The following TMEM130 variants were observed in gnomAD, a reference collection of about 807,000 sequenced individuals.
The protein encoded by TMEM130 is transmembrane protein 130.
TMEM130 carries 37 observed loss-of-function variants against 42.9 expected under a neutral mutation model. The ratio of observed to expected loss-of-function variants is 0.86; its 90% CI spans 0.66 to 1.13. The LOEUF (loss-of-function observed/expected upper bound fraction) is 1.13. Among genes scored for constraint, TMEM130 ranks in the 50% most tolerant of loss-of-function variants. The probability of loss-of-function intolerance (pLI) is 0.00; values close to 1 mark genes in which losing one functional copy is unlikely to be tolerated. For missense variants in TMEM130, 545 were observed against 562.6 expected, an observed-to-expected ratio of 0.97 and a Z score of 0.32; for synonymous variants, 259 against 237.7, an observed-to-expected ratio of 1.09 and a Z score of -0.82.
intron 3 of TMEM130, among the ~76,000 whole-genome samples, chr7:98,858,176 TTC>T (rs1794677089): frequency 6.6e-6 from 1 of 151,698 alleles, no homozygotes; most frequent in African/African-American, 2.4e-5. Flanking sequence ...TTCCAGCAAC[TTC>T]TTTTTCTAGT....
At chr7:98,851,004 G>C (rs984204022) in intron 6 of TMEM130, among the ~76,000 whole-genome samples, 1 of 152,128 alleles carries the variant, frequency 6.6e-6, no homozygotes, top group Non-Finnish European at 1.5e-5. Flanking sequence ...GGTAGGGTCG[G>C]GGTCATTGAG....
At chr7:98,863,736 CCTTT>C (rs1453988187) in intron 1 of TMEM130, among the ~76,000 whole-genome samples, 25 of 148,558 alleles carry the variant, frequency 1.7e-4, no homozygotes, top group African/African-American at 2.0e-4. Context: ...TCCTTTCCTT[CCTTT>C]CTCTTTTCTT....
chr7:98,864,320 C>T (rs1794859428), intron 1 of TMEM130, among the ~76,000 whole-genome samples: 1 of 151,982 alleles, frequency 6.6e-6, no homozygotes, highest in South Asian at 2.1e-4. Context: ...ATCCTCCCAC[C>T]TCAGCCTGCC....
intron 6 of TMEM130, among the ~76,000 whole-genome samples, chr7:98,850,947 C>A (rs1794485910): frequency 6.6e-6 from 1 of 152,086 alleles, no homozygotes; most frequent in Non-Finnish European, 1.5e-5. Flanking sequence ...GCTTTCGGTC[C>A]ACAAAGCTGG....
intron 5 of TMEM130, among the ~76,000 whole-genome samples, chr7:98,853,131 C>G (rs879963264): frequency 6.6e-6 from 1 of 152,194 alleles, no homozygotes; most frequent in African/African-American, 2.4e-5. Flanking sequence ...GCCATGCACT[C>G]ATGCCACCTC....
chr7:98,855,970 C>A (rs1479184552), intron 4 of TMEM130, 47 bp downstream of exon 4: 2 of 1,595,810 alleles, frequency 1.3e-6, no homozygotes, highest in East Asian at 2.2e-5. Context: ...CGTACGGTGA[C>A]CCCACTCTGG....
At chr7:98,867,273 G>C (rs1199173384) in intron 1 of TMEM130, among the ~76,000 whole-genome samples, 11 of 152,086 alleles carry the variant, frequency 7.2e-5, no homozygotes, top group African/African-American at 2.2e-4. Flanking sequence ...ATGATATTGA[G>C]GGACCTGAAG....
At position 98,853,163 on chromosome 7, in the gene TMEM130, C is replaced by G. The variant is rs575242335; in HGVS notation, c.804-1540G>C. On this transcript the variant is annotated intron_variant, in intron 5 of 7. Transcript: ENST00000339375. ...CCTCAAATATCAGGGCTGCTAAACC[C>G]ACAGGGCTTCCCATTCTCCCCATGC... 1.6e-4 allele frequency among the ~76,000 whole-genome samples: 25 copies of G among 152,258 alleles called. No homozygotes were observed. The South Asian group carries it at 5.2e-3, about 32-fold the overall frequency.
chr7:98,855,183 G>A lies in TMEM130; in HGVS notation c.803+57C>T, dbSNP rs1794597554. 4.0e-6 allele frequency: 6 copies of A among 1,497,908 alleles called. No individual in the cohort carries two copies. The Admixed American group carries it at 1.1e-4, about 27-fold the overall frequency. 92.8% of individuals were successfully genotyped at this position (1,497,908 alleles called of 1,614,324 possible). On this transcript the variant is annotated intron_variant, in intron 5 of 7. Transcript: ENST00000339375. ...AGCAGAACAGACTTGGGGTCATCGT[G>A]AAGGGGGATGTGCAGAGCCCACGGG... is the stretch of plus-strand genomic sequence containing the variant.
chr7:98,860,128 C>T, intron 3 of TMEM130, 51 bp downstream of exon 3: 1 of 1,574,714 alleles, frequency 6.4e-7, no homozygotes, highest in African/African-American at 1.4e-5. Context: ...GTGCGCGGGA[C>T]AGTGGGGCAC....
chr7:98,850,939 T>A (rs1326221181), intron 6 of TMEM130, among the ~76,000 whole-genome samples: 1 of 152,170 alleles, frequency 6.6e-6, no homozygotes, highest in African/African-American at 2.4e-5. Flanking sequence ...GCATGGTTGC[T>A]TTCGGTCCAC....
intron 3 of TMEM130, among the ~76,000 whole-genome samples, chr7:98,857,171 T>A (rs1242788540): frequency 6.6e-6 from 1 of 152,166 alleles, no homozygotes; most frequent in Non-Finnish European, 1.5e-5. Flanking sequence ...TTCCCCACCC[T>A]CTTGGCCTCT....
In TMEM130 at chr7:98,869,702, C is replaced by T. The variant is rs1794988033; in HGVS notation, c.85+75G>A. 1.8e-6 allele frequency: 2 copies of T among 1,116,282 alleles called. No homozygotes were observed. Among genetic ancestry groups the T allele is most frequent in the South Asian group, 2.4e-5 (1 of 41,800 alleles). 69.1% of individuals were successfully genotyped at this position (1,116,282 alleles called of 1,614,324 possible). ...CCTCCGCAATCCCTGCTCCCGGGCC[C>T]ACTCGCCCGCTGAGACGGTTCCAGG... On this transcript the variant is annotated intron_variant, in intron 1 of 7. Transcript: ENST00000339375. This position sits in a 1 kb window ranked among gnomAD's most constrained non-coding sequence, Gnocchi z 4.7.
chr7:98,850,724 G>C (rs542075795), intron 6 of TMEM130, among the ~76,000 whole-genome samples: 1 of 152,154 alleles, frequency 6.6e-6, no homozygotes, highest in South Asian at 2.1e-4. Context: ...TTAACAATAT[G>C]CAATGCCTTC....
Position 98,855,206 on chromosome 7 carries a change from G to A in TMEM130, c.803+34C>T, listed in dbSNP as rs200599433. Reference sequence around the variant, plus strand: ...GTGAAGGGGGATGTGCAGAGCCCACGGGGCACCCCCAGTGCGCTCTGGAGC... The same window carrying A: ...GTGAAGGGGGATGTGCAGAGCCCACAGGGCACCCCCAGTGCGCTCTGGAGC... On this transcript the variant is annotated intron_variant, in intron 5 of 7. Transcript: ENST00000339375. 3.6e-5 allele frequency: 57 copies of A among 1,587,406 alleles called. No individual in the cohort carries two copies. The East Asian group carries it at 9.2e-4, about 26-fold the overall frequency.
intron 1 of TMEM130, among the ~76,000 whole-genome samples, chr7:98,868,479 C>G (rs1178312393): frequency 6.6e-6 from 1 of 152,182 alleles, no homozygotes; most frequent in Non-Finnish European, 1.5e-5. Context: ...TCCTTTCACA[C>G]AGAATATGCA....
intron 3 of TMEM130, 80 bp from the exon 4 acceptor site, chr7:98,856,263 G>A: frequency 7.0e-7 from 1 of 1,421,506 alleles, no homozygotes; most frequent in Non-Finnish European, 9.7e-7. Context: ...GTGATTCATG[G>A]GACTTGCCAG....
chr7:98,867,952 G>A (rs781853758), intron 1 of TMEM130, among the ~76,000 whole-genome samples: 5 of 152,144 alleles, frequency 3.3e-5, no homozygotes, highest in African/African-American at 7.2e-5. Context: ...TTTCCAGGCC[G>A]GCGTGGTGGC....
intron 1 of TMEM130, chr7:98,866,651 T>C (rs1317098794): frequency 3.9e-5 from 6 of 152,168 alleles, no homozygotes; most frequent in Non-Finnish European, 7.4e-5. Context: ...TCTGAGATTA[T>C]TTTTTTCAGA....
Sources: allele counts gnomAD v4.1 joint callset (sites outside exome capture counted in the v4.1 genomes callset), GRCh38; gene constraint gnomAD v4.1.1; non-coding constraint Gnocchi (gnomAD v3.1); transcripts MANE v1.5; gene names NCBI Gene and HGNC (gene_info 2026-07-23, HGNC 2026-07-21).